The following RBPJ variants were observed in gnomAD, a reference collection of about 807,000 sequenced individuals.
RBPJ encodes recombination signal binding protein for immunoglobulin kappa J region.
A neutral mutation model predicts 67.8 loss-of-function variants in RBPJ; 9 were observed. The ratio of observed to expected loss-of-function variants is 0.13; its 90% CI spans 0.08 to 0.23. The LOEUF is 0.23. Ranked by LOEUF, RBPJ falls within the 10% of genes least tolerant of loss-of-function variation. RBPJ has a pLI of 1.00. For synonymous variants in RBPJ, 198 were observed against 203.3 expected, an observed-to-expected ratio of 0.97 and a Z score of 0.22; for missense variants, 305 against 595.6, an observed-to-expected ratio of 0.51 and a Z score of 5.08.
chr4:26,221,381 T>C (rs1718905526), intron 1 of RBPJ, among the ~76,000 whole-genome samples: 1 of 152,178 alleles, frequency 6.6e-6, no homozygotes, highest in Non-Finnish European at 1.5e-5. Context: ...GGAGCCACCG[T>C]GCCCGGCCTT....
chr4:26,415,772 G>A, intron 4 of RBPJ, 132 bp downstream of exon 4: 2 of 867,396 alleles, frequency 2.3e-6, no homozygotes, highest in African/African-American at 1.7e-5. Flanking sequence ...TATAAACTAG[G>A]ACCAAAAAAC....
intron 1 of RBPJ, among the ~76,000 whole-genome samples, chr4:26,173,139 T>C (rs977958932): frequency 4.6e-5 from 7 of 152,152 alleles, no homozygotes; most frequent in South Asian, 2.1e-4. Flanking sequence ...TTTTTCTTTC[T>C]TTTTTTCTTT....
At chr4:26,146,100 C>A in the RBPJ span, among the ~76,000 whole-genome samples, 1 of 152,120 alleles carries the variant, frequency 6.6e-6, no homozygotes, top group Non-Finnish European at 1.5e-5. Flanking sequence ...CCATGCCCGG[C>A]TACTTTTTAA....
chr4:26,244,316 T>TACAC (rs1719811434), intron 1 of RBPJ, among the ~76,000 whole-genome samples: 1 of 1,006 alleles, frequency 9.9e-4, no homozygotes, highest in Non-Finnish European at 5.9e-3. Flanking sequence ...CATATGTGTG[T>TACAC]ATATGTATAC....
chr4:26,301,591 CAA>C (rs1241294914), intron 1 of RBPJ, among the ~76,000 whole-genome samples: 5 of 81,142 alleles, frequency 6.2e-5, no homozygotes, highest in Admixed American at 2.7e-4. Flanking sequence ...GACTCTGTCT[CAA>C]AAAAAAAAAA....
intron 1 of RBPJ, among the ~76,000 whole-genome samples, chr4:26,371,816 AAG>A (rs1729187075): frequency 2.6e-5 from 4 of 152,258 alleles, no homozygotes; most frequent in East Asian, 1.9e-4. Flanking sequence ...TTACTGGGAA[AAG>A]AGAATAAATG....
intron 1 of RBPJ, among the ~76,000 whole-genome samples, chr4:26,377,288 C>A (rs1049044598): frequency 6.6e-6 from 1 of 152,176 alleles, no homozygotes; most frequent in Non-Finnish European, 1.5e-5. Context: ...CAGGTCACAC[C>A]GCTAGCTTGC....
At chr4:26,419,479 T>C (rs891020218) in intron 4 of RBPJ, among the ~76,000 whole-genome samples, 18 of 152,214 alleles carry the variant, frequency 1.2e-4, no homozygotes, top group African/African-American at 4.3e-4. Flanking sequence ...CTACCGAGGC[T>C]GTCTGTGAAT....
intron 1 of RBPJ, among the ~76,000 whole-genome samples, chr4:26,202,787 T>A (rs1718024769): frequency 6.6e-6 from 1 of 151,952 alleles, no homozygotes; most frequent in Admixed American, 6.6e-5. Flanking sequence ...CACGCCCCTG[T>A]AATCCCAGCT....
In RBPJ at chr4:26,415,499, A is replaced by G. The variant is rs1321632935; in HGVS notation, c.180A>G (p.Val60=). 1.5e-5 allele frequency: 24 copies of G among 1,604,250 alleles called. No homozygotes were observed. Among genetic ancestry groups the G allele is most frequent in the Non-Finnish European group, 2.0e-5 (23 of 1,176,908 alleles). Residue 60 remains valine, a synonymous_variant, in exon 4 of 11, where the codon GTA becomes GTG. Coordinates refer to ENST00000355476, the MANE Select transcript of RBPJ (RefSeq NM_015874.6). ...GGTTTTTTTGCCCACCTCCTTGTGT[A>G]TATCTTATGGGCAGTGGATGGAAGA... The part of the protein sequence containing the change: ...EKRFFCPPPC[V]YLMGSGWKKK...
the RBPJ span, among the ~76,000 whole-genome samples, chr4:26,140,770 G>A: frequency 6.6e-6 from 1 of 151,320 alleles, no homozygotes; most frequent in African/African-American, 2.4e-5. Context: ...CGCTCCTGGA[G>A]GCAGAATTGG....
intron 1 of RBPJ, among the ~76,000 whole-genome samples, chr4:26,274,781 A>G (rs1721024849): frequency 6.6e-6 from 1 of 152,108 alleles, no homozygotes; most frequent in Non-Finnish European, 1.5e-5. Context: ...CGAAAACACA[A>G]AAATTAGCCA....
the RBPJ span, among the ~76,000 whole-genome samples, chr4:26,147,559 G>A: frequency 6.6e-6 from 1 of 152,306 alleles, no homozygotes; most frequent in African/African-American, 2.4e-5. Flanking sequence ...GAGTTTTCTA[G>A]GTTCAAATTT....
Position 26,164,734 on chromosome 4 carries a change from C to G in RBPJ, c.-167+1120C>G, listed in dbSNP as rs182231194. ...ATGGATTCCAAAAGTTCATTGTTGT[C>G]ATAGAACTGCACAAAAAGAGTTAAA... On this transcript the variant is annotated intron_variant, in intron 1 of 4. Transcript: ENST00000512351. 1.4e-4 allele frequency among the ~76,000 whole-genome samples: 21 copies of G among 152,270 alleles called. No individual in the cohort carries two copies. The East Asian group carries it at 3.9e-3, about 28-fold the overall frequency.
chr4:26,249,060 C>T (rs1445823084), intron 1 of RBPJ, among the ~76,000 whole-genome samples: 3 of 152,128 alleles, frequency 2.0e-5, no homozygotes, highest in African/African-American at 7.2e-5. Flanking sequence ...AGTCTTTTGC[C>T]TAGCACAGTG....
intron 1 of RBPJ, among the ~76,000 whole-genome samples, chr4:26,286,741 T>A (rs1034779053): frequency 6.6e-6 from 1 of 151,824 alleles, no homozygotes; most frequent in Admixed American, 6.6e-5. Context: ...TTTCTTTATC[T>A]GAGGGGCACC....
chr4:26,183,217 A>T (rs1016254628), intron 1 of RBPJ, among the ~76,000 whole-genome samples: 2 of 152,208 alleles, frequency 1.3e-5, no homozygotes, highest in Non-Finnish European at 2.9e-5. Flanking sequence ...TCAATGCATT[A>T]CTCATAAACA....
intron 1 of RBPJ, among the ~76,000 whole-genome samples, chr4:26,204,682 A>G (rs1305794149): frequency 6.6e-6 from 1 of 152,204 alleles, no homozygotes; most frequent in Non-Finnish European, 1.5e-5. Flanking sequence ...GGGAATCCCA[A>G]CACCACCAGC....
At chr4:26,305,157 G>A (rs1467069959) in intron 1 of RBPJ, among the ~76,000 whole-genome samples, 2 of 152,130 alleles carry the variant, frequency 1.3e-5, no homozygotes, top group Admixed American at 6.6e-5. Context: ...AAATGTGAGG[G>A]CTTATTTCTG....
Sources: gnomAD v4.1 joint callset for allele counts (sites outside exome capture counted in the v4.1 genomes callset) on GRCh38, gnomAD v4.1.1 for gene constraint, MANE v1.5 for transcripts, NCBI Gene and HGNC (gene_info 2026-07-23, HGNC 2026-07-21) for gene names.